JARID2: variants seen among roughly 807,000 people sequenced by gnomAD.
The protein encoded by JARID2 is jumonji and AT-rich interaction domain containing 2, also known as protein Jumonji.
A neutral mutation model predicts 125.6 loss-of-function variants in JARID2; 21 were observed. That is an observed-to-expected ratio of 0.17 (90% CI 0.12 to 0.24). The LOEUF (loss-of-function observed/expected upper bound fraction) is 0.24. JARID2 is among the 10% of genes least tolerant of loss of function. JARID2 has a pLI of 1.00. For synonymous variants in JARID2, 736 were observed against 661.6 expected, an observed-to-expected ratio of 1.11 and a Z score of -1.73; for missense variants, 1,303 against 1,639.6, an observed-to-expected ratio of 0.79 and a Z score of 3.55.
chr6:15,269,896 G>A (rs1760231673), intron 1 of JARID2, among the ~76,000 whole-genome samples: 1 of 152,174 alleles, frequency 6.6e-6, no homozygotes, highest in African/African-American at 2.4e-5. Flanking sequence ...CTCAAGTTGA[G>A]TTTTGCTGGG....
At chr6:15,477,574 A>G (rs919209166) in intron 5 of JARID2, among the ~76,000 whole-genome samples, 6 of 148,550 alleles carry the variant, frequency 4.0e-5, no homozygotes, top group African/African-American at 1.5e-4. Context: ...GTATGTTTCT[A>G]ACCACCCCCT....
chr6:15,512,105 T>G, intron 13 of JARID2, 103 bp from the exon 14 acceptor site: 1 of 911,186 alleles, frequency 1.1e-6, no homozygotes, highest in South Asian at 1.7e-5. Flanking sequence ...AACAATCTTA[T>G]CTCCTTGAGA....
chr6:15,390,712 C>G (rs1010187929), intron 2 of JARID2, among the ~76,000 whole-genome samples: 1 of 152,154 alleles, frequency 6.6e-6, no homozygotes, highest in Non-Finnish European at 1.5e-5. Flanking sequence ...TCCTTGGATC[C>G]ATGAATACAG....
At chr6:15,336,037 A>G (rs1374328036) in intron 1 of JARID2, among the ~76,000 whole-genome samples, 1 of 152,066 alleles carries the variant, frequency 6.6e-6, no homozygotes, top group Non-Finnish European at 1.5e-5. Context: ...GTGAGCTGAG[A>G]TTGTGCCACT....
intron 1 of JARID2, among the ~76,000 whole-genome samples, chr6:15,342,268 G>A (rs1399806373): frequency 1.3e-5 from 2 of 152,138 alleles, no homozygotes; most frequent in Non-Finnish European, 2.9e-5. Context: ...TGGCCTCTGT[G>A]CGACTTACTG....
intron 3 of JARID2, among the ~76,000 whole-genome samples, chr6:15,430,265 A>T (rs949051362): frequency 6.6e-6 from 1 of 152,220 alleles, no homozygotes; most frequent in Non-Finnish European, 1.5e-5. Flanking sequence ...GAGTTTAGTT[A>T]TCAAGACAAT....
intron 1 of JARID2, among the ~76,000 whole-genome samples, chr6:15,291,146 G>T (rs1226696722): frequency 3.3e-5 from 5 of 152,138 alleles, no homozygotes; most frequent in Non-Finnish European, 5.9e-5. Context: ...TGCGGTGGGA[G>T]ATTGCTTGAG....
chr6:15,507,867 A>G (rs1581662120), intron 11 of JARID2, among the ~76,000 whole-genome samples: 1 of 152,240 alleles, frequency 6.6e-6, no homozygotes, highest in Admixed American at 6.5e-5. Context: ...GAAAGTGGCT[A>G]GGAACCTGTC....
intron 1 of JARID2, among the ~76,000 whole-genome samples, chr6:15,257,464 A>T (rs1759708335): frequency 6.6e-6 from 1 of 152,220 alleles, no homozygotes; most frequent in African/African-American, 2.4e-5. Flanking sequence ...AATCAAAGAC[A>T]GTGATTTTTA....
intron 3 of JARID2, among the ~76,000 whole-genome samples, chr6:15,441,328 G>A (rs1239776765): frequency 6.6e-6 from 1 of 152,154 alleles, no homozygotes; most frequent in African/African-American, 2.4e-5. Context: ...TTCTTAACTG[G>A]CACCAGATTT....
chr6:15,360,041 C>G (rs2127493869), intron 1 of JARID2, among the ~76,000 whole-genome samples: 1 of 152,290 alleles, frequency 6.6e-6, no homozygotes, highest in East Asian at 1.9e-4. Flanking sequence ...AAAACCTCAT[C>G]TCTTATGAGT....
At chr6:15,352,065 G>A (rs1256834787) in intron 1 of JARID2, among the ~76,000 whole-genome samples, 2 of 152,046 alleles carry the variant, frequency 1.3e-5, no homozygotes, top group East Asian at 1.9e-4. Context: ...TTCAGTAATA[G>A]TTCTCCCTCT....
At chr6:15,352,809 T>C (rs1241166905) in intron 1 of JARID2, among the ~76,000 whole-genome samples, 1 of 152,226 alleles carries the variant, frequency 6.6e-6, no homozygotes, top group African/African-American at 2.4e-5. Context: ...GAATAAGTTT[T>C]GTAAATAAAT....
chr6:15,273,124 A>G (rs1475824862), intron 1 of JARID2, among the ~76,000 whole-genome samples: 1 of 152,024 alleles, frequency 6.6e-6, no homozygotes, highest in Non-Finnish European at 1.5e-5. Context: ...TTACGTGCTA[A>G]GTTTCCTCAT....
chr6:15,439,031 C>CAAAAA (rs754404770), intron 3 of JARID2, among the ~76,000 whole-genome samples: 4 of 85,782 alleles, frequency 4.7e-5, no homozygotes, highest in Admixed American at 1.2e-4. Flanking sequence ...GACTCTGTCT[C>CAAAAA]AAAAAAAAAA....
At chr6:15,286,092 G>T (rs576163118) in intron 1 of JARID2, among the ~76,000 whole-genome samples, 1 of 152,274 alleles carries the variant, frequency 6.6e-6, no homozygotes, top group African/African-American at 2.4e-5. Flanking sequence ...CCAGGCTGGA[G>T]TGCAGTAGCG....
intron 1 of JARID2, among the ~76,000 whole-genome samples, chr6:15,265,118 T>C (rs767917574): frequency 1.3e-5 from 2 of 152,174 alleles, no homozygotes; most frequent in African/African-American, 2.4e-5. Flanking sequence ...GTAGCTATTA[T>C]TGTTTACAGA....
intron 3 of JARID2, among the ~76,000 whole-genome samples, chr6:15,413,002 G>GTTTGTTTT (rs1765953191): frequency 2.1e-5 from 1 of 46,532 alleles, no homozygotes; most frequent in South Asian, 6.8e-4. Context: ...AAGAGCTTGT[G>GTTTGTTTT]TTTTTGTTTT....
At chr6:15,248,873 C>T in intron 1 of JARID2, 1 of 982,996 alleles carries the variant, frequency 1.0e-6, no homozygotes, top group Middle Eastern at 5.2e-4. Flanking sequence ...GCGGGGGCTG[C>T]CGCAGAGCCG....
Sources: allele counts gnomAD v4.1 joint callset (sites outside exome capture counted in the v4.1 genomes callset), GRCh38; gene constraint gnomAD v4.1.1; transcripts MANE v1.5; gene names NCBI Gene and HGNC (gene_info 2026-07-23, HGNC 2026-07-21).